Variants in PRR5L observed in about 807,000 individuals in gnomAD.
PRR5L encodes proline-rich protein 5-like.
A neutral mutation model predicts 36.4 loss-of-function variants in PRR5L; 21 were observed. The observed-to-expected ratio is 0.58, with a 90% CI of 0.41 to 0.83. PRR5L has a LOEUF of 0.83. Ranked by LOEUF, PRR5L falls within the 40% of genes least tolerant of loss-of-function variation. The pLI, the probability that PRR5L is intolerant of heterozygous loss-of-function variation, is 0.00. For missense variants in PRR5L, 381 were observed against 473.3 expected (o/e 0.80, Z 1.81); for synonymous variants, 188 against 197.0 (o/e 0.95, Z 0.38).
rs1856857695 is a variant in PRR5L at position 36,345,634 on chromosome 11, C to A, written c.-126+49196C>A. On this transcript the variant is annotated intron_variant, in intron 1 of 8. Transcript: ENST00000530639. ...CCTCTATCTCTAGGATCAAAGGTAT[C>A]TTCTCTCCTGAGCCTAACTCCTCCT... 2.6e-5 allele frequency among the ~76,000 whole-genome samples: 4 copies of A among 152,214 alleles called. No homozygotes were observed. The South Asian group carries it at 8.3e-4, about 31-fold the overall frequency.
rs939007297 is a variant in PRR5L at position 36,377,440 on chromosome 11, A to T, written c.-125-23557A>T. The T allele has an allele frequency of 6.6e-6, 1 of 152,222 alleles. No individual in the cohort carries two copies. The highest frequency in any genetic ancestry group is 1.5e-5 in the Non-Finnish European group (1 of 68,064). The allele number at this position is 152,222 out of a possible 1,614,324, so 9.4% of individuals were successfully genotyped here. A position where few individuals can be genotyped will look rare whatever the true frequency, so the allele number is the denominator to read the frequency against. On this transcript the variant is annotated intron_variant, in intron 1 of 8. Transcript: ENST00000530639. This position sits in a 1 kb window ranked among gnomAD's most constrained non-coding sequence, Gnocchi z 5.1. ...TCCTCTGCGCGCTTACTGTGCGCGC[A>T]TGCCGGGCTCGCTGCACGCAGGGGG...
At chr11:36,354,907 C>T (rs985094327) in intron 1 of PRR5L, among the ~76,000 whole-genome samples, 1 of 152,184 alleles carries the variant, frequency 6.6e-6, no homozygotes, top group Non-Finnish European at 1.5e-5. Flanking sequence ...GGCTAGAGCT[C>T]AGCATCAATT....
chr11:36,385,638 T>G (rs1590515201), intron 1 of PRR5L, among the ~76,000 whole-genome samples: 1 of 152,398 alleles, frequency 6.6e-6, no homozygotes. Flanking sequence ...AAGTTGTCTC[T>G]TGCTTCCTGT....
intron 1 of PRR5L, among the ~76,000 whole-genome samples, chr11:36,389,715 C>T (rs1857527339): frequency 6.6e-6 from 1 of 150,648 alleles, no homozygotes. Context: ...TGGGTTCAAG[C>T]AATTCTCCTG....
At chr11:36,398,924 T>G (rs1857729147) in intron 1 of PRR5L, 1 of 152,260 alleles carries the variant, frequency 6.6e-6, no homozygotes, top group South Asian at 2.1e-4. Flanking sequence ...TCGTTTAAGA[T>G]CCTCATAAAG....
intron 1 of PRR5L, among the ~76,000 whole-genome samples, chr11:36,346,744 T>C (rs1319057668): frequency 6.6e-6 from 1 of 152,136 alleles, no homozygotes; most frequent in Non-Finnish European, 1.5e-5. Context: ...ATTAGCTCCG[T>C]AGGCAGTGAC....
intron 2 of PRR5L, among the ~76,000 whole-genome samples, chr11:36,401,740 C>A (rs767418850): frequency 3.8e-4 from 58 of 152,126 alleles, no homozygotes; most frequent in Non-Finnish European, 4.3e-4. Context: ...GCCAAGAGAG[C>A]AAGTTTTTTT....
intron 1 of PRR5L, among the ~76,000 whole-genome samples, chr11:36,311,996 A>G (rs1203800926): frequency 6.6e-6 from 1 of 152,222 alleles, no homozygotes; most frequent in Admixed American, 6.5e-5. Flanking sequence ...AAGTGCCAAT[A>G]AAATGGGAAG....
intron 1 of PRR5L, among the ~76,000 whole-genome samples, chr11:36,310,286 T>A (rs1030811720): frequency 6.6e-6 from 1 of 152,192 alleles, no homozygotes. Flanking sequence ...TCCAGCCCAC[T>A]GCTTTAGAAC....
chr11:36,350,972 A>ATATATATT (rs1251046980), intron 1 of PRR5L, among the ~76,000 whole-genome samples: 3 of 48,362 alleles, frequency 6.2e-5, no homozygotes, highest in South Asian at 6.0e-4. Context: ...TTATATATTT[A>ATATATATT]TATATATTTA....
chr11:36,373,847 C>A (rs1480292863), intron 1 of PRR5L, among the ~76,000 whole-genome samples: 1 of 152,032 alleles, frequency 6.6e-6, no homozygotes, highest in Non-Finnish European at 1.5e-5. Flanking sequence ...CCACCATAGG[C>A]AATCAGTACA....
intron 3 of PRR5L, among the ~76,000 whole-genome samples, chr11:36,404,898 A>G (rs1334198613): frequency 6.6e-6 from 1 of 152,188 alleles, no homozygotes; most frequent in Non-Finnish European, 1.5e-5. Context: ...GTTGAGTGAC[A>G]GGGGCAAAGT....
intron 1 of PRR5L, among the ~76,000 whole-genome samples, chr11:36,303,348 C>T (rs1354287013): frequency 6.6e-6 from 1 of 152,186 alleles, no homozygotes; most frequent in Non-Finnish European, 1.5e-5. Flanking sequence ...AGCTCTGTGC[C>T]TTCTTGGCAG....
intron 6 of PRR5L, among the ~76,000 whole-genome samples, chr11:36,444,258 A>C (rs1285171005): frequency 6.6e-6 from 1 of 152,202 alleles, no homozygotes; most frequent in Non-Finnish European, 1.5e-5. Flanking sequence ...AGTGAAACAA[A>C]AGCAAGCTGC....
chr11:36,408,726 GCA>G (rs961178377), intron 3 of PRR5L, among the ~76,000 whole-genome samples: 4 of 152,186 alleles, frequency 2.6e-5, no homozygotes, highest in Non-Finnish European at 2.9e-5. Flanking sequence ...TGACACAAGA[GCA>G]CACTCTCCCT....
At chr11:36,439,936 A>G (rs1178692876) in intron 6 of PRR5L, among the ~76,000 whole-genome samples, 1 of 152,112 alleles carries the variant, frequency 6.6e-6, no homozygotes, top group Non-Finnish European at 1.5e-5. Context: ...TTCCCCATCA[A>G]GCCTAAAACA....
chr11:36,334,022 A>T (rs1856744883), intron 1 of PRR5L, among the ~76,000 whole-genome samples: 1 of 148,266 alleles, frequency 6.7e-6, no homozygotes, highest in Admixed American at 6.6e-5. Context: ...ATGGTCCAAG[A>T]TGGGTAGCAT....
chr11:36,356,818 T>A (rs146143494), intron 1 of PRR5L, among the ~76,000 whole-genome samples: 1 of 152,162 alleles, frequency 6.6e-6, no homozygotes, highest in Non-Finnish European at 1.5e-5. Context: ...GGGGCCTTGG[T>A]ATTTCCTGAG....
chr11:36,387,443 A>C (rs1417254087), intron 1 of PRR5L, among the ~76,000 whole-genome samples: 1 of 152,220 alleles, frequency 6.6e-6, no homozygotes, highest in South Asian at 2.1e-4. Context: ...ATGGGCTGAC[A>C]GTGAGATAAG....
Sources: gnomAD v4.1 joint callset for allele counts (sites outside exome capture counted in the v4.1 genomes callset) on GRCh38, gnomAD v4.1.1 for gene constraint, Gnocchi (gnomAD v3.1) non-coding constraint, MANE v1.5 for transcripts, NCBI Gene and HGNC (gene_info 2026-07-23, HGNC 2026-07-21) for gene names.